GET4: variants seen among roughly 807,000 people sequenced by gnomAD.
The protein encoded by GET4 is Golgi to ER traffic protein 4 homolog.
In GET4, 20 loss-of-function variants were observed where a neutral mutation model predicts 40.0. The ratio of observed to expected loss-of-function variants is 0.50; its 90% CI spans 0.35 to 0.73. The LOEUF (loss-of-function observed/expected upper bound fraction) is 0.73, where lower values mean the gene tolerates loss of function less well. GET4 is among the 30% of genes least tolerant of loss of function. The probability of loss-of-function intolerance (pLI) is 0.01; values close to 1 mark genes in which losing one functional copy is unlikely to be tolerated. For missense variants in GET4, 557 were observed against 454.0 expected (o/e 1.23, Z -2.06); for synonymous variants, 280 against 194.6 (o/e 1.44, Z -3.65).
At chr7:895,067 C>T (rs1019476534) in intron 8 of GET4, among the ~76,000 whole-genome samples, 1 of 151,950 alleles carries the variant, frequency 6.6e-6, no homozygotes, top group African/African-American at 2.4e-5. Flanking sequence ...CCCGTGGCTG[C>T]TCCATGGCCC....
rs545990644 is a variant in GET4 at position 887,406 on chromosome 7, A to G, written c.353A>G (p.Asn118Ser). Residue 118 changes from asparagine (N) to serine (S), a missense_variant, in exon 4 of 9, where the codon AAC becomes AGC. By Grantham distance (46) the Asn-to-Ser change is conservative. Transcript: ENST00000265857. ...AAAGTGTTCAGCCTGATGGACCCCA[A>G]CTCTCCTGAGCGCGTGACCTTTGTG... ...LAKVFSLMDP[N>S]SPERVTFVSR... 1.0e-5 allele frequency: 16 copies of G among 1,600,066 alleles called. No homozygotes were observed. In the South Asian group the frequency reaches 1.0e-4, roughly 10 times the overall value.
chr7:895,137 T>C (rs73252042), intron 8 of GET4, among the ~76,000 whole-genome samples, 197 bp from the exon 9 acceptor site: 3,477 of 151,950 alleles, frequency 0.023, 100 homozygotes, highest in African/African-American at 0.055. Context: ...CATGTTTGAG[T>C]ATCTCTGTGG....
intron 4 of GET4, among the ~76,000 whole-genome samples, chr7:889,767 G>A (rs1399065237): frequency 9.0e-6 from 1 of 110,886 alleles, no homozygotes; most frequent in Admixed American, 9.0e-5. Flanking sequence ...GAGCGCGAGC[G>A]GGTGTTAGGA....
chr7:889,762 C>A (rs146221285), intron 4 of GET4, among the ~76,000 whole-genome samples: 1,319 of 66,292 alleles, frequency 0.02, 93 homozygotes, highest in East Asian at 0.17. Context: ...GGAGGGAGCG[C>A]GAGCGGGTGT....
At position 876,644 on chromosome 7, in the gene GET4, C is replaced by T. The variant is rs1473019353; in HGVS notation, c.-2C>T. 8 of 1,263,512 alleles carry T rather than the reference C, an allele frequency of 6.3e-6. No individual in the cohort carries two copies. Among genetic ancestry groups the T allele is most frequent in the African/African-American group, 1.6e-5 (1 of 62,644 alleles). 78.3% of individuals were successfully genotyped at this position (1,263,512 alleles called of 1,614,324 possible). ...GTCAGCCCTGCGCGGAGCGCCGGCC[C>T]GATGGCGGCGGCGGCGGCGATGGCC... is the stretch of plus-strand genomic sequence containing the variant. On this transcript the variant is annotated 5_prime_UTR_variant, in exon 1 of 9. Transcript: ENST00000265857.
intron 8 of GET4, among the ~76,000 whole-genome samples, chr7:894,840 A>G (rs745846633): frequency 6.6e-6 from 1 of 152,134 alleles, no homozygotes; most frequent in Non-Finnish European, 1.5e-5. Flanking sequence ...GTAGTTGTTG[A>G]TTGGATAAAA....
chr7:889,393 T>C (rs1844264574), intron 4 of GET4, among the ~76,000 whole-genome samples: 1 of 152,236 alleles, frequency 6.6e-6, no homozygotes, highest in South Asian at 2.1e-4. Flanking sequence ...TGTGCTTCCC[T>C]GGTGCTTCCC....
At chr7:891,334 C>G (rs1361202833) in intron 5 of GET4, among the ~76,000 whole-genome samples, 1 of 152,208 alleles carries the variant, frequency 6.6e-6, no homozygotes, top group Admixed American at 6.5e-5. Flanking sequence ...TGCCGGGAGG[C>G]CCTGTGGTCT....
chr7:880,882 T>C (rs1264648028), intron 1 of GET4: 1 of 152,232 alleles, frequency 6.6e-6, no homozygotes, highest in Non-Finnish European at 1.5e-5. Context: ...TTTTGTTTTT[T>C]GAGACAGAGT....
chr7:892,211 C>G, intron 5 of GET4, 67 bp from the exon 6 acceptor site: 4 of 1,531,036 alleles, frequency 2.6e-6, no homozygotes, highest in Non-Finnish European at 3.6e-6. Context: ...ATGTCGGAGG[C>G]CGGCGCCTGT....
chr7:894,231 A>T (rs1251154120), intron 8 of GET4, among the ~76,000 whole-genome samples: 1 of 151,800 alleles, frequency 6.6e-6, no homozygotes, highest in African/African-American at 2.4e-5. Flanking sequence ...GGATCACATC[A>T]CGTGGCTGGC....
chr7:888,896 CGTCT>C (rs1266092152), intron 4 of GET4, among the ~76,000 whole-genome samples: 5 of 152,236 alleles, frequency 3.3e-5, no homozygotes, highest in Non-Finnish European at 5.9e-5. Context: ...CGGGAGCTGT[CGTCT>C]GTCTTTCGGA....
At chr7:877,169 C>T (rs1843974134) in intron 1 of GET4, among the ~76,000 whole-genome samples, 1 of 151,378 alleles carries the variant, frequency 6.6e-6, no homozygotes, top group Admixed American at 6.6e-5. Context: ...CTCTGTCTCT[C>T]TCCGGCCGCC....
rs754331803 is a variant in GET4 at position 893,792 on chromosome 7, C to T, written c.799C>T (p.Arg267Trp). Residue 267 changes from arginine (R) to tryptophan (W), a missense_variant, in exon 7 of 9, where the codon CGG (arginine) becomes TGG (tryptophan). Coordinates refer to ENST00000265857, the MANE Select transcript of GET4 (RefSeq NM_015949.3). The part of the protein sequence containing the change: ...VLCEQYQPSL[R>W]RDPMYNEYLD... ...GTGTGAGCAGTACCAGCCATCCCTC[C>T]GGCGGGACCCCATGTACAACGAGGT... 25 of 1,611,046 alleles carry T rather than the reference C, an allele frequency of 1.6e-5. No individual in the cohort carries two copies. Among genetic ancestry groups the T allele is most frequent in the South Asian group, 3.3e-5 (3 of 90,918 alleles).
intron 4 of GET4, among the ~76,000 whole-genome samples, chr7:888,132 G>C (rs745458541): frequency 6.6e-6 from 1 of 152,212 alleles, no homozygotes; most frequent in African/African-American, 2.4e-5. Flanking sequence ...GGCGTCAGGA[G>C]GCCTGCTCGG....
intron 1 of GET4, chr7:885,033 C>T (rs1007137411): frequency 6.6e-6 from 1 of 152,396 alleles, no homozygotes; most frequent in South Asian, 2.1e-4. Context: ...CCTCCCACCT[C>T]AGCCTCCCAA....
At chr7:883,683 G>C in intron 1 of GET4, 1 of 985,704 alleles carries the variant, frequency 1.0e-6, no homozygotes, top group Non-Finnish European at 1.2e-6. Context: ...GCCGGGCCGG[G>C]AGAAGGCCCG....
chr7:894,250 C>T (rs1414264772), intron 8 of GET4, among the ~76,000 whole-genome samples: 1 of 152,062 alleles, frequency 6.6e-6, no homozygotes, highest in Non-Finnish European at 1.5e-5. Context: ...GCTGCGTGCT[C>T]CCCCGTCTCT....
Position 893,922 on chromosome 7 carries a change from G to T in GET4, c.846G>T (p.Leu282=), listed in dbSNP as rs549797043. ...YNEYLDRIGQ[L]FFGVPPKQTS... is the part of the protein sequence containing the mutation. ...AGTACCTCGACCGCATAGGACAGCT[G>T]TTCTTCGGCGTCCCGCCCAAGCAGA... Residue 282 remains leucine (L), a synonymous_variant, in exon 8 of 9, where the codon CTG becomes CTT. Coordinates refer to ENST00000265857, the MANE Select transcript of GET4 (RefSeq NM_015949.3). 3.1e-6 allele frequency: 5 copies of T among 1,609,206 alleles called. No homozygotes were observed. The South Asian group carries it at 5.5e-5, about 18-fold the overall frequency.
Sources: gnomAD v4.1 joint callset for allele counts (sites outside exome capture counted in the v4.1 genomes callset) on GRCh38, gnomAD v4.1.1 for gene constraint, MANE v1.5 for transcripts, NCBI Gene and HGNC (gene_info 2026-07-23, HGNC 2026-07-21) for gene names.